The following PPA2 variants were observed in gnomAD, a reference collection of about 807,000 sequenced individuals.
PPA2 encodes the protein inorganic pyrophosphatase 2.
PPA2 carries 48 observed loss-of-function variants against 49.5 expected under a neutral mutation model. That is an observed-to-expected ratio of 0.97 (90% CI 0.77 to 1.23). PPA2 has a LOEUF of 1.23. Ranked by LOEUF, PPA2 falls within the 50% of genes most tolerant of loss-of-function variation. The pLI is 0.00. For missense variants in PPA2, 429 were observed against 410.1 expected, an observed-to-expected ratio of 1.05 and a Z score of -0.40; for synonymous variants, 131 against 139.9, an observed-to-expected ratio of 0.94 and a Z score of 0.45.
intron 8 of PPA2, among the ~76,000 whole-genome samples, chr4:105,397,808 T>A (rs573058510): frequency 6.6e-6 from 1 of 152,282 alleles, no homozygotes; most frequent in African/African-American, 2.4e-5. Flanking sequence ...TCCCCCTTCA[T>A]CTTTTGGCAT....
At chr4:105,431,140 AT>A (rs1453557196) in intron 6 of PPA2, among the ~76,000 whole-genome samples, 1 of 152,180 alleles carries the variant, frequency 6.6e-6, no homozygotes, top group Non-Finnish European at 1.5e-5. Flanking sequence ...TTTGGGGGTG[AT>A]AAATATGTTC....
intron 7 of PPA2, among the ~76,000 whole-genome samples, chr4:105,412,279 A>G (rs554154828): frequency 2.6e-5 from 4 of 152,230 alleles, no homozygotes; most frequent in Non-Finnish European, 5.9e-5. Context: ...AGGCCTCACA[A>G]ATAACACCAC....
intron 9 of PPA2, among the ~76,000 whole-genome samples, chr4:105,389,066 G>A (rs1733798959): frequency 6.6e-6 from 1 of 152,070 alleles, no homozygotes; most frequent in South Asian, 2.1e-4. Context: ...ATATATGTAT[G>A]TAAATATGTG....
At chr4:105,394,950 A>G (rs1288759116) in intron 9 of PPA2, among the ~76,000 whole-genome samples, 1 of 152,194 alleles carries the variant, frequency 6.6e-6, no homozygotes, top group Non-Finnish European at 1.5e-5. Context: ...TTTAGCCCAC[A>G]AAGAATAGCT....
intron 1 of PPA2, 36 bp downstream of exon 1, chr4:105,473,858 G>A (rs1172099444): frequency 6.4e-7 from 1 of 1,572,976 alleles, no homozygotes; most frequent in East Asian, 2.3e-5. Context: ...AGGTTTCTCC[G>A]GTGCGCCGCT....
At chr4:105,445,438 G>A (rs1450608884) in intron 5 of PPA2, among the ~76,000 whole-genome samples, 2 of 152,068 alleles carry the variant, frequency 1.3e-5, no homozygotes, top group East Asian at 3.9e-4. Context: ...ATGTATCCAT[G>A]TGGGTGATCT....
At chr4:105,398,894 A>T in intron 8 of PPA2, 143 bp downstream of exon 8, 1 of 678,258 alleles carries the variant, frequency 1.5e-6, no homozygotes, top group Non-Finnish European at 2.2e-6. Context: ...ATAATAAAAT[A>T]ATGTTTTTAA....
Position 105,474,035 on chromosome 4 carries a change from G to A in PPA2, c.16C>T (p.Arg6Trp), listed in dbSNP as rs769620452. MSALL[R>W]LLRTGAPAAA... ...GCTGGGGCACCCGTGCGCAGCAGCC[G>A]CAGCAGCGCGCTCATGGCGTCAATG... Residue 6 changes from arginine (R) to tryptophan (W), a missense_variant, in exon 1 of 12, where the codon CGG becomes TGG. Transcript: ENST00000341695. The A allele has an allele frequency of 1.3e-6, 2 of 1,591,222 alleles. No individual in the cohort carries two copies. The highest frequency in any genetic ancestry group is 1.7e-4 in the Middle Eastern group (1 of 5,956).
chr4:105,444,347 T>A (rs1724511934), intron 5 of PPA2, among the ~76,000 whole-genome samples: 1 of 152,192 alleles, frequency 6.6e-6, no homozygotes, highest in African/African-American at 2.4e-5. Flanking sequence ...TTGTATTTTA[T>A]CTTTTAAGCA....
At position 105,399,174 on chromosome 4, in the gene PPA2, A is replaced by C; in HGVS notation, c.656-10T>G. 1 of 1,582,552 alleles carries C rather than the reference A, an allele frequency of 6.3e-7. No homozygotes were observed. The highest frequency in any genetic ancestry group is 8.5e-7 in the Non-Finnish European group (1 of 1,171,492). ...TTAACATCATCAATATCTGTAAAGAAAAAAACAAAAAGATGTTTTGTTAAG... is the reference window on the plus strand; with the variant it reads ...TTAACATCATCAATATCTGTAAAGACAAAAACAAAAAGATGTTTTGTTAAG... On this transcript the variant is annotated splice_polypyrimidine_tract_variant and intron_variant, in intron 7 of 11. Transcript: ENST00000341695.
intron 5 of PPA2, among the ~76,000 whole-genome samples, chr4:105,439,843 C>G (rs1324881597): frequency 8.2e-6 from 1 of 121,658 alleles, no homozygotes; most frequent in Admixed American, 9.0e-5. Context: ...CCCCTCCCCC[C>G]ACCCGACAAC....
chr4:105,389,633 C>T (rs910995472), intron 9 of PPA2, among the ~76,000 whole-genome samples: 3 of 151,754 alleles, frequency 2.0e-5, no homozygotes, highest in African/African-American at 7.3e-5. Flanking sequence ...GCCCAAATTA[C>T]ATATAAAAAT....
chr4:105,403,491 T>G (rs1309732683), intron 7 of PPA2, among the ~76,000 whole-genome samples: 1 of 152,200 alleles, frequency 6.6e-6, no homozygotes, highest in Admixed American at 6.5e-5. Flanking sequence ...GTATTAAAAC[T>G]ATAAAAATAT....
chr4:105,450,488 T>C (rs979941730), intron 3 of PPA2, among the ~76,000 whole-genome samples: 2 of 151,352 alleles, frequency 1.3e-5, no homozygotes, highest in African/African-American at 2.4e-5. Flanking sequence ...GCAATTCTCC[T>C]GCCTCAGCCT....
At chr4:105,449,551 TTTTCTAGAAATTAGAG>T (rs1722580849) in intron 3 of PPA2, 148 bp from the exon 4 acceptor site, 2 of 500,136 alleles carry the variant, frequency 4.0e-6, no homozygotes, top group Non-Finnish European at 7.0e-6. Context: ...GCCTTAAATT[TTTTCTAGAAATTAGAG>T]TTGTCTAAAA....
intron 7 of PPA2, among the ~76,000 whole-genome samples, chr4:105,402,885 C>CTT (rs1578822167): frequency 6.6e-6 from 1 of 151,836 alleles, no homozygotes; most frequent in African/African-American, 2.4e-5. Context: ...AAGTAAAACT[C>CTT]AGAGGAATTA....
At chr4:105,400,898 G>C (rs559994156) in intron 7 of PPA2, among the ~76,000 whole-genome samples, 1,750 of 152,112 alleles carry the variant, frequency 0.012, 26 homozygotes, top group African/African-American at 0.04. Context: ...ATGGAAATAA[G>C]AAGTATAACT....
chr4:105,390,083 G>A (rs2110381125), intron 9 of PPA2, among the ~76,000 whole-genome samples: 1 of 152,204 alleles, frequency 6.6e-6, no homozygotes, highest in Admixed American at 6.5e-5. Flanking sequence ...TTTTATAAAT[G>A]GTGCTGGGAA....
intron 9 of PPA2, 93 bp downstream of exon 9, chr4:105,396,155 TA>T (rs1000561138): frequency 3.2e-4 from 243 of 762,800 alleles, no homozygotes; most frequent in South Asian, 9.0e-4. Flanking sequence ...TTGTTTAAAT[TA>T]AAAAAAATGC....
Sources: allele counts gnomAD v4.1 joint callset (sites outside exome capture counted in the v4.1 genomes callset), GRCh38; gene constraint gnomAD v4.1.1; transcripts MANE v1.5; gene names NCBI Gene and HGNC (gene_info 2026-07-23, HGNC 2026-07-21).